The following CARM1 variants were observed in gnomAD, a reference collection of about 807,000 sequenced individuals.
CARM1 encodes the protein coactivator associated arginine methyltransferase 1.
A neutral mutation model predicts 72.7 loss-of-function variants in CARM1; 14 were observed. The ratio of observed to expected loss-of-function variants is 0.19; its 90% CI spans 0.13 to 0.30. CARM1 has a LOEUF of 0.30. CARM1 is among the 10% of genes least tolerant of loss of function. The probability of loss-of-function intolerance (pLI) is 1.00; values close to 1 mark genes in which losing one functional copy is unlikely to be tolerated. For missense variants in CARM1, 432 were observed against 833.7 expected, an observed-to-expected ratio of 0.52 and a Z score of 5.93; for synonymous variants, 333 against 345.5, an observed-to-expected ratio of 0.96 and a Z score of 0.40.
chr19:10,901,770 C>T (rs968634213), intron 1 of CARM1, among the ~76,000 whole-genome samples: 1 of 152,072 alleles, frequency 6.6e-6, no homozygotes, highest in East Asian at 1.9e-4. Flanking sequence ...GACAAAACCC[C>T]GTCTCTACCA....
chr19:10,881,071 C>T (rs866367912), intron 1 of CARM1, among the ~76,000 whole-genome samples: 30 of 152,168 alleles, frequency 2.0e-4, no homozygotes, highest in Middle Eastern at 3.4e-3. Flanking sequence ...GAGGCTGAGG[C>T]GGGAGGATTG....
At chr19:10,904,809 A>C in intron 1 of CARM1, 142 bp from the exon 2 acceptor site, 1 of 1,085,992 alleles carries the variant, frequency 9.2e-7, no homozygotes, top group South Asian at 1.5e-5. Flanking sequence ...GCACCCGGCA[A>C]TGCTGCCAGG....
At chr19:10,882,439 A>G (rs2073908767) in intron 1 of CARM1, among the ~76,000 whole-genome samples, 1 of 151,470 alleles carries the variant, frequency 6.6e-6, no homozygotes, top group South Asian at 2.1e-4. Context: ...TCCCTGGTGG[A>G]AAGTGGCCTT....
At chr19:10,908,256 C>T (rs577132722) in intron 3 of CARM1, 111 bp downstream of exon 3, 4 of 711,086 alleles carry the variant, frequency 5.6e-6, no homozygotes, top group Non-Finnish European at 1.0e-5. Flanking sequence ...CCCGTCCTGG[C>T]TCTGTCCCTT....
chr19:10,921,273 G>A (rs764264523), intron 14 of CARM1, 102 bp from the exon 15 acceptor site: 156 of 1,485,398 alleles, frequency 1.1e-4, no homozygotes, highest in Non-Finnish European at 1.4e-4. Flanking sequence ...GAGGCTCTCC[G>A]TCCTCTCTGC....
At chr19:10,879,724 C>A (rs929152724) in intron 1 of CARM1, among the ~76,000 whole-genome samples, 1 of 152,200 alleles carries the variant, frequency 6.6e-6, no homozygotes, top group Non-Finnish European at 1.5e-5. Flanking sequence ...AGTCATTCTC[C>A]TGCATCAGAC....
chr19:10,885,888 ATTTTTTTTTT>A (rs766173367), intron 1 of CARM1, among the ~76,000 whole-genome samples: 15 of 78,780 alleles, frequency 1.9e-4, no homozygotes, highest in Non-Finnish European at 4.0e-4. Context: ...TCACTCCCTC[ATTTTTTTTTT>A]TTTTTTTTTT....
chr19:10,910,033 C>T (rs1278584926), intron 4 of CARM1, among the ~76,000 whole-genome samples: 2 of 152,112 alleles, frequency 1.3e-5, no homozygotes, highest in Non-Finnish European at 2.9e-5. Flanking sequence ...GTTGAAACTG[C>T]GGTGAGCTGT....
In CARM1 at chr19:10,871,666, A is replaced by C. The variant is rs1222134520; in HGVS notation, c.-37A>C. On this transcript the variant is annotated 5_prime_UTR_variant, in exon 1 of 16. Transcript: ENST00000327064. This position sits in a 1 kb window ranked among gnomAD's most constrained non-coding sequence, Gnocchi z 5.6. ...GCGGCGGCGGCCTGGGCCCGGGCGC[A>C]GCGGCGGCGGCGGCGGGGCCTGGAG... 1.8e-5 allele frequency: 8 copies of C among 445,012 alleles called. No individual in the cohort carries two copies. The highest frequency in any genetic ancestry group is 2.6e-5 in the African/African-American group (1 of 38,428). 27.6% of individuals were successfully genotyped at this position (445,012 alleles called of 1,614,324 possible).
chr19:10,886,319 C>T (rs1266153575), intron 1 of CARM1, among the ~76,000 whole-genome samples: 3 of 151,820 alleles, frequency 2.0e-5, no homozygotes, highest in African/African-American at 7.2e-5. Flanking sequence ...GCCTCCCAGC[C>T]TGTAGCTGGG....
intron 1 of CARM1, among the ~76,000 whole-genome samples, chr19:10,895,311 G>T (rs1008292997): frequency 6.6e-6 from 1 of 151,962 alleles, no homozygotes; most frequent in Non-Finnish European, 1.5e-5. Context: ...CACCATGTTG[G>T]CCGGACTAGT....
At position 10,914,065 on chromosome 19, in the gene CARM1, G is replaced by A. The variant is rs377318197; in HGVS notation, c.847+11G>A. ...ACCTGAAGCCCAGCGGTGAGCACTGGGGGGTACACAGGCCAGGCCCCTCGG... is the reference window on the plus strand; with the variant it reads ...ACCTGAAGCCCAGCGGTGAGCACTGAGGGGTACACAGGCCAGGCCCCTCGG... On this transcript the variant is annotated intron_variant, in intron 6 of 15. Transcript: ENST00000327064. 6.2e-6 allele frequency: 10 copies of A among 1,607,820 alleles called. No individual in the cohort carries two copies. In the East Asian group the frequency reaches 6.7e-5, roughly 11 times the overall value.
rs2074026825 is a variant in CARM1 at position 10,896,758 on chromosome 19, C to G, written c.221-8193C>G. ...TCCCAGGCTGGGTCAGGTGCCACCT[C>G]CAGGCACCTACAGAGTCCACCACTT... On this transcript the variant is annotated intron_variant, in intron 1 of 15. Transcript: ENST00000327064. This position sits in a 1 kb window ranked among gnomAD's most constrained non-coding sequence, Gnocchi z 5.2. Among the ~76,000 whole-genome samples, 1 of 152,194 alleles carries G rather than the reference C, an allele frequency of 6.6e-6. No homozygotes were observed. Among genetic ancestry groups the G allele is most frequent in the Admixed American group, 6.5e-5 (1 of 15,280 alleles).
At chr19:10,917,774 G>A (rs2074210184) in intron 8 of CARM1, among the ~76,000 whole-genome samples, 1 of 137,500 alleles carries the variant, frequency 7.3e-6, no homozygotes, top group South Asian at 2.2e-4. Flanking sequence ...CTGGAGTGCT[G>A]TGGCATGATG....
At chr19:10,875,154 T>C (rs1466187851) in intron 1 of CARM1, among the ~76,000 whole-genome samples, 3 of 152,140 alleles carry the variant, frequency 2.0e-5, no homozygotes, top group African/African-American at 7.2e-5. Context: ...TCTCTCTCAG[T>C]TCATGGTCAG....
chr19:10,878,975 T>C (rs1370521864), intron 1 of CARM1, among the ~76,000 whole-genome samples: 2 of 152,020 alleles, frequency 1.3e-5, no homozygotes, highest in Non-Finnish European at 2.9e-5. Flanking sequence ...GCTGGCTAAT[T>C]TTTGTATTTT....
At chr19:10,893,058 T>A (rs1373602775) in intron 1 of CARM1, among the ~76,000 whole-genome samples, 1 of 151,174 alleles carries the variant, frequency 6.6e-6, no homozygotes, top group Non-Finnish European at 1.5e-5. Context: ...TTATTTATTT[T>A]TATTTTTATT....
chr19:10,901,361 G>T (rs187643635), intron 1 of CARM1, among the ~76,000 whole-genome samples: 16 of 151,736 alleles, frequency 1.1e-4, no homozygotes, highest in Admixed American at 1.3e-4. Context: ...AGGCTGGAGT[G>T]CAGTGGCTGT....
intron 1 of CARM1, among the ~76,000 whole-genome samples, chr19:10,881,803 G>C (rs1254488423): frequency 6.6e-6 from 1 of 152,196 alleles, no homozygotes; most frequent in African/African-American, 2.4e-5. Flanking sequence ...CAGCCAGCTT[G>C]AAATGGTCAG....
Sources: allele counts gnomAD v4.1 joint callset (sites outside exome capture counted in the v4.1 genomes callset), GRCh38; gene constraint gnomAD v4.1.1; non-coding constraint Gnocchi (gnomAD v3.1); transcripts MANE v1.5; gene names NCBI Gene and HGNC (gene_info 2026-07-23, HGNC 2026-07-21).